GREB1L: variants seen among roughly 807,000 people sequenced by gnomAD.
GREB1L encodes the protein GREB1 like retinoic acid receptor coactivator, also known as GREB1-like protein.
GREB1L carries 17 observed loss-of-function variants against 200.8 expected under a neutral mutation model. That is an observed-to-expected ratio of 0.08 (90% CI 0.06 to 0.13). GREB1L has a LOEUF of 0.13. Ranked by LOEUF, GREB1L falls within the 10% of genes least tolerant of loss-of-function variation. The probability of loss-of-function intolerance (pLI) is 1.00; values close to 1 mark genes in which losing one functional copy is unlikely to be tolerated. For missense variants in GREB1L, 1,657 were observed against 2,367.7 expected (o/e 0.70, Z 6.23); for synonymous variants, 789 against 893.0 (o/e 0.88, Z 2.08).
chr18:21,374,775 C>T (rs1167885178), intron 2 of GREB1L, among the ~76,000 whole-genome samples: 1 of 150,640 alleles, frequency 6.6e-6, no homozygotes, highest in Non-Finnish European at 1.5e-5. Context: ...TTAAAAGAAA[C>T]TTTTATTAAA....
At chr18:21,468,965 T>A (rs1301429605) in intron 15 of GREB1L, 20 of 321,068 alleles carry the variant, frequency 6.2e-5, no homozygotes, top group Non-Finnish European at 1.2e-4. Flanking sequence ...ATGAGGTTGA[T>A]GTTTTATTAT....
intron 2 of GREB1L, among the ~76,000 whole-genome samples, chr18:21,371,563 G>A (rs1412187877): frequency 1.3e-5 from 2 of 151,348 alleles, no homozygotes; most frequent in East Asian, 1.9e-4. Context: ...TGAGGTGGGC[G>A]GATCATGAGA....
At chr18:21,497,277 T>C (rs1239578793) in intron 21 of GREB1L, among the ~76,000 whole-genome samples, 1 of 152,210 alleles carries the variant, frequency 6.6e-6, no homozygotes, top group Non-Finnish European at 1.5e-5. Flanking sequence ...TTTCTTCTGA[T>C]AAATTGTATT....
intron 1 of GREB1L, among the ~76,000 whole-genome samples, chr18:21,259,853 A>G (rs1319482377): frequency 2.6e-5 from 4 of 151,750 alleles, no homozygotes; most frequent in African/African-American, 9.7e-5. Flanking sequence ...TAATACTAAA[A>G]CTGTGGCATT....
intron 1 of GREB1L, among the ~76,000 whole-genome samples, chr18:21,268,392 GAATC>G (rs919957979): frequency 1.3e-4 from 20 of 150,724 alleles, no homozygotes; most frequent in Non-Finnish European, 2.4e-4. Flanking sequence ...CCGTAGGTGG[GAATC>G]ATAGTTCTTC....
chr18:21,384,998 T>C (rs1393727253), intron 4 of GREB1L, among the ~76,000 whole-genome samples: 1 of 152,184 alleles, frequency 6.6e-6, no homozygotes, highest in Admixed American at 6.5e-5. Flanking sequence ...GGCTTCACAC[T>C]TTACAAGAAA....
At chr18:21,265,462 G>A (rs1005272181) in intron 1 of GREB1L, among the ~76,000 whole-genome samples, 12 of 152,044 alleles carry the variant, frequency 7.9e-5, no homozygotes, top group South Asian at 4.2e-4. Context: ...AAAAATGGAC[G>A]GTGATGGGCA....
In GREB1L at chr18:21,523,781, A is replaced by G. The variant is rs1401335095; in HGVS notation, c.*960A>G. On this transcript the variant is annotated 3_prime_UTR_variant, in exon 33 of 33. Transcript: ENST00000424526. ...CAAAGCTTCCTTTAAAAGATGCACT[A>G]AATATTACCACCTTACACTGACAAC... 1.3e-5 allele frequency: 2 copies of G among 152,236 alleles called. No homozygotes were observed. Among genetic ancestry groups the G allele is most frequent in the African/African-American group, 4.8e-5 (2 of 41,466 alleles). 9.4% of individuals were successfully genotyped at this position (152,236 alleles called of 1,614,324 possible). A position where few individuals can be genotyped will look rare whatever the true frequency, so the allele number is the denominator to read the frequency against.
chr18:21,371,980 G>A (rs1041177126), intron 2 of GREB1L, among the ~76,000 whole-genome samples: 2 of 152,080 alleles, frequency 1.3e-5, no homozygotes, highest in African/African-American at 4.8e-5. Context: ...ACTAGGAGTA[G>A]GTGGGTACAG....
intron 30 of GREB1L, 66 bp from the exon 31 acceptor site, chr18:21,517,968 T>C (rs752265708): frequency 8.8e-6 from 11 of 1,243,006 alleles, no homozygotes; most frequent in Non-Finnish European, 1.3e-5. Context: ...TACACTTCAG[T>C]GTTTCCTCAC....
chr18:21,487,728 C>T (rs1389941411), intron 18 of GREB1L, among the ~76,000 whole-genome samples: 2 of 151,930 alleles, frequency 1.3e-5, no homozygotes, highest in Admixed American at 6.6e-5. Flanking sequence ...GGGCTGGGCG[C>T]GGTGGCTCAT....
In GREB1L at chr18:21,496,576, T is replaced by C. The variant is rs2036552858; in HGVS notation, c.3269T>C (p.Val1090Ala). 4 of 1,551,604 alleles carry C rather than the reference T, an allele frequency of 2.6e-6. No homozygotes were observed. In the African/African-American group the frequency reaches 5.5e-5, roughly 21 times the overall value. The change falls in exon 21 of 33, where the codon GTT (valine) becomes GCT (alanine). Residue 1090 changes from valine to alanine, a missense_variant. Val to Ala is a moderately conservative substitution (Grantham distance 64). Coordinates refer to ENST00000424526, the MANE Select transcript of GREB1L (RefSeq NM_001142966.3). ...VSKEVIRGPT[V>A]ALDLSGKEQE... Reference sequence around the variant, plus strand: ...AAAGAGGTCATCCGGGGACCCACTGTTGCCCTGGACCTCAGCGGGAAGGAG... The same window carrying C: ...AAAGAGGTCATCCGGGGACCCACTGCTGCCCTGGACCTCAGCGGGAAGGAG...
intron 15 of GREB1L, among the ~76,000 whole-genome samples, chr18:21,471,624 T>G (rs1185641627): frequency 7.7e-4 from 23 of 29,796 alleles, no homozygotes; most frequent in African/African-American, 9.6e-4. Flanking sequence ...TTGTTTCTTT[T>G]TTTTTTTTTT....
At chr18:21,482,538 C>T (rs2035959520) in intron 17 of GREB1L, among the ~76,000 whole-genome samples, 1 of 151,736 alleles carries the variant, frequency 6.6e-6, no homozygotes, top group Non-Finnish European at 1.5e-5. Context: ...GGATTATAGG[C>T]GTGAGCCACC....
intron 1 of GREB1L, among the ~76,000 whole-genome samples, chr18:21,252,389 C>T (rs2037722829): frequency 8.6e-5 from 13 of 151,580 alleles, no homozygotes; most frequent in Admixed American, 8.5e-4. Flanking sequence ...GAAACCCCGT[C>T]TCCACTAAAA....
chr18:21,500,906 T>G (rs143666339), intron 23 of GREB1L, among the ~76,000 whole-genome samples: 3,623 of 152,028 alleles, frequency 0.024, 149 homozygotes, highest in African/African-American at 0.083. Flanking sequence ...CCATCTCTAC[T>G]GAAAATATAA....
At chr18:21,415,342 A>AT (rs2031522888) in intron 7 of GREB1L, among the ~76,000 whole-genome samples, 2 of 152,130 alleles carry the variant, frequency 1.3e-5, no homozygotes, top group African/African-American at 4.8e-5. Flanking sequence ...TGGTGAGACC[A>AT]TGCCTCTACA....
chr18:21,305,798 C>G (rs1422106169), intron 1 of GREB1L, among the ~76,000 whole-genome samples: 1 of 152,202 alleles, frequency 6.6e-6, no homozygotes, highest in Non-Finnish European at 1.5e-5. Context: ...CTATCACTTT[C>G]CTTTCACTTA....
chr18:21,383,001 C>T (rs922188674), intron 2 of GREB1L, among the ~76,000 whole-genome samples: 92 of 152,078 alleles, frequency 6.0e-4, no homozygotes, highest in African/African-American at 2.2e-3. Flanking sequence ...GCTCGTCTTG[C>T]TTTCAGAAAT....
Sources: allele counts gnomAD v4.1 joint callset (sites outside exome capture counted in the v4.1 genomes callset), GRCh38; gene constraint gnomAD v4.1.1; transcripts MANE v1.5; gene names NCBI Gene and HGNC (gene_info 2026-07-23, HGNC 2026-07-21).